Variants in CENPM observed in about 807,000 individuals in gnomAD.
CENPM encodes the protein interphase centromere complex protein 39.
Under a neutral mutation model 19.6 loss-of-function variants are expected in CENPM, and 14 were observed. The observed-to-expected ratio is 0.71, with a 90% CI of 0.47 to 1.11. The LOEUF (loss-of-function observed/expected upper bound fraction) is 1.11. Ranked by LOEUF, CENPM falls within the 50% of genes most tolerant of loss-of-function variation. The probability of loss-of-function intolerance (pLI) is 0.00; values close to 1 mark genes in which losing one functional copy is unlikely to be tolerated. For missense variants in CENPM, 239 were observed against 228.4 expected, an observed-to-expected ratio of 1.05 and a Z score of -0.30; for synonymous variants, 114 against 101.5, an observed-to-expected ratio of 1.12 and a Z score of -0.74.
chr22:41,944,270 C>T (rs1056007094), intron 4 of CENPM: 2 of 296,012 alleles, frequency 6.8e-6, no homozygotes, highest in African/African-American at 4.6e-5. Flanking sequence ...AACCCCATCT[C>T]TACTAAAATA....
downstream of CENPM, among the ~76,000 whole-genome samples, chr22:41,933,951 C>T (rs1387555062): frequency 6.6e-6 from 1 of 152,218 alleles, no homozygotes; most frequent in African/African-American, 2.4e-5. Context: ...GAAGGGCTGG[C>T]ATGGAGTCAG....
intron 5 of CENPM, among the ~76,000 whole-genome samples, chr22:41,939,965 C>T (rs991001483): frequency 6.6e-6 from 1 of 151,808 alleles, no homozygotes; most frequent in Non-Finnish European, 1.5e-5. Flanking sequence ...ACTCTCCTCC[C>T]GGCAGCCAGA....
At chr22:41,946,581 G>A (rs1371666181) in intron 1 of CENPM, 85 bp from the exon 2 acceptor site, 62 of 1,105,644 alleles carry the variant, frequency 5.6e-5, no homozygotes, top group Non-Finnish European at 7.8e-5. Flanking sequence ...ACTCCCGGGG[G>A]GATCGGGACA....
intron 2 of CENPM, 115 bp from the exon 3 acceptor site, chr22:41,946,120 C>G (rs1317576173): frequency 1.1e-6 from 1 of 903,474 alleles, no homozygotes; most frequent in Admixed American, 2.3e-5. Context: ...CTCATCCTAG[C>G]CACCCGAGGC....
At chr22:41,938,305 C>A (rs1419463008), downstream of CENPM, among the ~76,000 whole-genome samples, 1 of 149,568 alleles carries the variant, frequency 6.7e-6, no homozygotes, top group Non-Finnish European at 1.5e-5. Flanking sequence ...CCATGCCTGG[C>A]TAATTTTTGT....
the CENPM span, among the ~76,000 whole-genome samples, chr22:41,933,022 A>C: frequency 7.7e-4 from 118 of 152,282 alleles, no homozygotes; most frequent in South Asian, 2.7e-3. Flanking sequence ...TCAGAAGGGC[A>C]GGGTGCTCGA....
chr22:41,945,586 G>A (rs1569428328), intron 3 of CENPM, among the ~76,000 whole-genome samples: 1 of 151,782 alleles, frequency 6.6e-6, no homozygotes, highest in Non-Finnish European at 1.5e-5. Context: ...GAGTAGCTGG[G>A]ACTACAGGTA....
At chr22:41,942,033 G>A (rs1464819922) in intron 5 of CENPM, among the ~76,000 whole-genome samples, 2 of 152,216 alleles carry the variant, frequency 1.3e-5, no homozygotes, top group Admixed American at 1.3e-4. Context: ...GGTCTAGACA[G>A]TGGTGATGGA....
chr22:41,938,436 G>A (rs1017860840), downstream of CENPM, among the ~76,000 whole-genome samples: 3 of 138,298 alleles, frequency 2.2e-5, no homozygotes, highest in East Asian at 2.1e-4. Context: ...CACAGTCTCA[G>A]CTCACTGCAA....
At chr22:41,929,851 G>C in the CENPM span, among the ~76,000 whole-genome samples, 3 of 151,480 alleles carry the variant, frequency 2.0e-5, no homozygotes, top group African/African-American at 7.3e-5. Flanking sequence ...CTACTTGGAT[G>C]ACAAAACAGT....
chr22:41,945,447 A>ATTT (rs377012454), intron 3 of CENPM, 143 bp from the exon 4 acceptor site: 1,493 of 1,095,362 alleles, frequency 1.4e-3, no homozygotes, highest in Non-Finnish European at 1.5e-3. Flanking sequence ...TTGTCCTTTA[A>ATTT]TTTTTTTTTT....
At chr22:41,941,388 G>A (rs998635578) in intron 5 of CENPM, among the ~76,000 whole-genome samples, 3 of 152,204 alleles carry the variant, frequency 2.0e-5, no homozygotes, top group Non-Finnish European at 2.9e-5. Flanking sequence ...TGCTGCGGCG[G>A]GAACCAGGCT....
chr22:41,938,416 A>T (rs1602383206), downstream of CENPM, among the ~76,000 whole-genome samples: 1 of 125,962 alleles, frequency 7.9e-6, no homozygotes. Flanking sequence ...CCCAGGCTGG[A>T]GTGCAGTGGC....
intron 5 of CENPM, among the ~76,000 whole-genome samples, chr22:41,941,503 A>C (rs2146607710): frequency 6.6e-6 from 1 of 152,284 alleles, no homozygotes; most frequent in South Asian, 2.1e-4. Flanking sequence ...CAGGGTGAGT[A>C]GGCACCACTG....
intron 5 of CENPM, chr22:41,940,148 A>G (rs769023056): frequency 1.3e-6 from 1 of 772,110 alleles, no homozygotes. Context: ...CCTTGAGCAC[A>G]CCAGGCAAGT....
chr22:41,938,656 C>T (rs8135804), downstream of CENPM: 20,776 of 167,248 alleles, frequency 0.12, 1,846 homozygotes, highest in Admixed American at 0.29. Flanking sequence ...TGAGCCTCTG[C>T]ACCTGGCCCA....
the CENPM span, among the ~76,000 whole-genome samples, chr22:41,931,252 A>G: frequency 6.6e-6 from 1 of 150,422 alleles, no homozygotes; most frequent in Admixed American, 6.6e-5. Flanking sequence ...GTGGATCACC[A>G]GAAGTCAGGA....
chr22:41,946,541 C>A (rs753489653), intron 1 of CENPM, 45 bp from the exon 2 acceptor site: 2 of 1,545,274 alleles, frequency 1.3e-6, no homozygotes, highest in African/African-American at 1.4e-5. Context: ...AGGCACAGCA[C>A]CCCCTGGGGA....
chr22:41,940,416 C>T (rs2077729280), intron 5 of CENPM, among the ~76,000 whole-genome samples: 2 of 152,142 alleles, frequency 1.3e-5, no homozygotes, highest in African/African-American at 2.4e-5. Context: ...GACAGAGTCT[C>T]GCTTTGTCAC....
Sources: gnomAD v4.1 joint callset for allele counts (sites outside exome capture counted in the v4.1 genomes callset) on GRCh38, gnomAD v4.1.1 for gene constraint, MANE v1.5 for transcripts, NCBI Gene and HGNC (gene_info 2026-07-23, HGNC 2026-07-21) for gene names.